Variants in IMMP2L observed in about 807,000 individuals in gnomAD.
The protein encoded by IMMP2L is mitochondrial inner membrane protease subunit 2.
A neutral mutation model predicts 19.3 loss-of-function variants in IMMP2L; 18 were observed. The ratio of observed to expected loss-of-function variants is 0.93; its 90% CI spans 0.64 to 1.38. IMMP2L has a LOEUF of 1.38. IMMP2L is among the 40% of genes most tolerant of loss of function. The pLI is 0.00. For missense variants in IMMP2L, 233 were observed against 218.2 expected (o/e 1.07, Z -0.43); for synonymous variants, 76 against 73.0 (o/e 1.04, Z -0.21).
At position 111,059,936 on chromosome 7, in the gene IMMP2L, G is replaced by GA. The variant is rs59195962; in HGVS notation, c.240-96372dup. On this transcript the variant is annotated intron_variant, in intron 3 of 5. Coordinates refer to ENST00000405709, the MANE Select transcript of IMMP2L (RefSeq NM_032549.4). ...ATGCCTAATTGTGAAAAAAAAAAAAGAAAAAAAAAGAACTCTTCTTGCCAG... is the reference window on the plus strand; with the variant it reads ...ATGCCTAATTGTGAAAAAAAAAAAAGAAAAAAAAAAGAACTCTTCTTGCCAG... Among the ~76,000 whole-genome samples, 1,251 of 144,458 alleles carry GA rather than the reference G, an allele frequency of 8.7e-3. 20 individuals carry two copies. Among genetic ancestry groups the GA allele is most frequent in the African/African-American group, 0.028 (1,129 of 39,860 alleles). 94.8% of individuals were successfully genotyped at this position (144,458 alleles called of 152,430 possible).
At position 110,889,594 on chromosome 7, in the gene IMMP2L, T is replaced by C. The variant is rs578063790; in HGVS notation, c.306-2899A>G. 5.3e-5 allele frequency among the ~76,000 whole-genome samples: 8 copies of C among 152,296 alleles called. No individual in the cohort carries two copies. The East Asian group carries it at 1.5e-3, about 29-fold the overall frequency. Reference sequence around the variant, plus strand: ...GCTCACCTCCTGCTGTGCCGCCCAGTTCCTAACAGGCCACAGACCAGTACC... The same window carrying C: ...GCTCACCTCCTGCTGTGCCGCCCAGCTCCTAACAGGCCACAGACCAGTACC... On this transcript the variant is annotated intron_variant, in intron 4 of 5. Coordinates refer to ENST00000405709, the MANE Select transcript of IMMP2L (RefSeq NM_032549.4).
At position 111,532,235 on chromosome 7, in the gene IMMP2L, T is replaced by C. The variant is rs144101519; in HGVS notation, c.-2-10786A>G. The stretch of plus-strand genomic sequence containing the variant: ...TCCAAGTACCAAGCTTTGCTGTTCC[T>C]TATCTACTTTGCTACCTCACATTTT... On this transcript the variant is annotated intron_variant, in intron 1 of 5. Coordinates refer to ENST00000405709, the MANE Select transcript of IMMP2L (RefSeq NM_032549.4). 2.2e-3 allele frequency among the ~76,000 whole-genome samples: 342 copies of C among 152,300 alleles called. 1 individual carries two copies. The highest frequency in any genetic ancestry group is 4.8e-3 in the Admixed American group (74 of 15,298).
intron 5 of IMMP2L, among the ~76,000 whole-genome samples, chr7:110,867,600 A>ATT (rs967455006): frequency 6.7e-6 from 1 of 149,662 alleles, no homozygotes; most frequent in East Asian, 2.0e-4. Flanking sequence ...AGTCCCACGT[A>ATT]TTTTTTTTTT....
At chr7:111,193,566 G>A (rs1228014633) in intron 3 of IMMP2L, among the ~76,000 whole-genome samples, 1 of 152,084 alleles carries the variant, frequency 6.6e-6, no homozygotes, top group Non-Finnish European at 1.5e-5. Context: ...TAACTCCCAA[G>A]AGTGATTATT....
chr7:110,985,674 C>T (rs896933168), intron 3 of IMMP2L, among the ~76,000 whole-genome samples: 1 of 152,012 alleles, frequency 6.6e-6, no homozygotes, highest in Non-Finnish European at 1.5e-5. Context: ...AATAATAAAA[C>T]ATTTACAACA....
chr7:111,227,003 G>A (rs182020052), intron 3 of IMMP2L, among the ~76,000 whole-genome samples: 352 of 152,176 alleles, frequency 2.3e-3, no homozygotes, highest in African/African-American at 7.3e-3. Context: ...TCATATCCCT[G>A]ATGAAATAGG....
chr7:110,736,818 A>G (rs942857442), intron 5 of IMMP2L, among the ~76,000 whole-genome samples: 2 of 152,196 alleles, frequency 1.3e-5, no homozygotes, highest in African/African-American at 4.8e-5. Flanking sequence ...AGGATAAATC[A>G]TACCTTGAGT....
At chr7:110,984,329 G>A (rs1469116688) in intron 3 of IMMP2L, among the ~76,000 whole-genome samples, 1 of 150,714 alleles carries the variant, frequency 6.6e-6, no homozygotes, top group African/African-American at 2.4e-5. Flanking sequence ...AAGGAGACAG[G>A]AAATCTGTAA....
chr7:111,404,842 T>C (rs1161009468), intron 3 of IMMP2L, among the ~76,000 whole-genome samples: 1 of 152,054 alleles, frequency 6.6e-6, no homozygotes, highest in African/African-American at 2.4e-5. Flanking sequence ...TGTCTGTCAG[T>C]AGGCAATACA....
chr7:110,992,250 A>G (rs192769291), intron 3 of IMMP2L, among the ~76,000 whole-genome samples: 107 of 152,174 alleles, frequency 7.0e-4, no homozygotes, highest in African/African-American at 2.5e-3. Flanking sequence ...AGAAATTGCA[A>G]TAGCTACAGA....
chr7:110,815,238 C>T (rs935328408), intron 5 of IMMP2L, among the ~76,000 whole-genome samples: 7 of 152,024 alleles, frequency 4.6e-5, no homozygotes, highest in Non-Finnish European at 8.8e-5. Flanking sequence ...TGGTTTTTGT[C>T]TTTGGCTCTG....
intron 5 of IMMP2L, among the ~76,000 whole-genome samples, chr7:110,714,384 C>G (rs1795102562): frequency 6.6e-6 from 1 of 152,136 alleles, no homozygotes; most frequent in Non-Finnish European, 1.5e-5. Flanking sequence ...ATGAGTTTCT[C>G]AGGGATAATG....
intron 3 of IMMP2L, among the ~76,000 whole-genome samples, chr7:111,316,918 C>G (rs1223995068): frequency 7.4e-6 from 1 of 134,566 alleles, no homozygotes; most frequent in Non-Finnish European, 1.5e-5. Context: ...GGCGAGATCT[C>G]GGCTCACTGC....
intron 3 of IMMP2L, among the ~76,000 whole-genome samples, chr7:111,268,773 T>C (rs994615578): frequency 4.0e-5 from 6 of 151,542 alleles, no homozygotes; most frequent in Non-Finnish European, 8.8e-5. Flanking sequence ...TTAATTTTTC[T>C]ATTTTATGTA....
chr7:111,257,828 A>G (rs558170854), intron 3 of IMMP2L, among the ~76,000 whole-genome samples: 113 of 151,938 alleles, frequency 7.4e-4, no homozygotes, highest in African/African-American at 2.6e-3. Flanking sequence ...ACATGTGCAT[A>G]AAGTGCAGGT....
intron 4 of IMMP2L, among the ~76,000 whole-genome samples, chr7:110,929,559 T>G (rs1348866850): frequency 1.3e-5 from 2 of 152,158 alleles, no homozygotes; most frequent in East Asian, 3.8e-4. Context: ...TCTATACAAG[T>G]ACTGAGCATT....
At chr7:110,792,262 CAT>C (rs1349185023) in intron 5 of IMMP2L, among the ~76,000 whole-genome samples, 6 of 151,656 alleles carry the variant, frequency 4.0e-5, no homozygotes, top group African/African-American at 1.2e-4. Context: ...AGGGATTATA[CAT>C]ACTTACCTCC....
chr7:110,775,023 A>T (rs1799284018), intron 5 of IMMP2L, among the ~76,000 whole-genome samples: 1 of 152,080 alleles, frequency 6.6e-6, no homozygotes, highest in Non-Finnish European at 1.5e-5. Flanking sequence ...ACCTTCAATG[A>T]TTACTTAGTG....
At chr7:111,288,378 A>T (rs916356839) in intron 3 of IMMP2L, among the ~76,000 whole-genome samples, 1 of 152,148 alleles carries the variant, frequency 6.6e-6, no homozygotes, top group Non-Finnish European at 1.5e-5. Context: ...CAGGAATGGG[A>T]AAAGACTTCA....
Sources: gnomAD v4.1 joint callset for allele counts (sites outside exome capture counted in the v4.1 genomes callset) on GRCh38, gnomAD v4.1.1 for gene constraint, MANE v1.5 for transcripts, NCBI Gene and HGNC (gene_info 2026-07-23, HGNC 2026-07-21) for gene names.